SLC9A9: variants seen among roughly 807,000 people sequenced by gnomAD.
The protein encoded by SLC9A9 is sodium/hydrogen exchanger 9.
In SLC9A9, 62 loss-of-function variants were observed where a neutral mutation model predicts 77.8. That is an observed-to-expected ratio of 0.80 (90% CI 0.65 to 0.98). The LOEUF (loss-of-function observed/expected upper bound fraction) is 0.98. Among genes scored for constraint, SLC9A9 ranks in the 50% least tolerant of loss-of-function variants. SLC9A9 has a pLI of 0.00. For missense variants in SLC9A9, 775 were observed against 774.9 expected (o/e 1.00, Z 0.00); for synonymous variants, 320 against 283.5 (o/e 1.13, Z -1.29).
intron 2 of SLC9A9, among the ~76,000 whole-genome samples, chr3:143,802,782 A>T (rs2008601110): frequency 6.6e-6 from 1 of 152,150 alleles, no homozygotes; most frequent in African/African-American, 2.4e-5. Flanking sequence ...CCTCCAATTT[A>T]AAAAGGACTG....
At chr3:143,709,183 T>A (rs1934075533) in intron 4 of SLC9A9, among the ~76,000 whole-genome samples, 1 of 152,168 alleles carries the variant, frequency 6.6e-6, no homozygotes, top group Non-Finnish European at 1.5e-5. Flanking sequence ...AATTTAGTGA[T>A]CTCAAATTCG....
chr3:143,300,439 C>CT (rs2030473656), intron 14 of SLC9A9, among the ~76,000 whole-genome samples: 1 of 152,162 alleles, frequency 6.6e-6, no homozygotes, highest in Non-Finnish European at 1.5e-5. Flanking sequence ...AATGTATAAA[C>CT]TTTTTTAGGG....
rs144930120 is a variant in SLC9A9 at position 143,467,177 on chromosome 3, C to T, written c.1329G>A (p.Ala443=). 1.0e-4 allele frequency: 169 copies of T among 1,614,030 alleles called. 1 individual carries two copies. Among genetic ancestry groups the T allele is most frequent in the Non-Finnish European group, 8.1e-5 (95 of 1,180,022 alleles). Residue 443 remains alanine, a synonymous_variant, in exon 12 of 16, where the codon GCG becomes GCA. Transcript: ENST00000316549. ...HMMMFSGLRG[A]IAFALAIRNT... ...TCCGAATAGCTAAGGCAAATGCGAT[C>T]GCTCCTCGCAAACCTTGCAGGAAAA...
Position 143,429,036 on chromosome 3 carries a change from T to C in SLC9A9, c.1469+38001A>G, listed in dbSNP as rs529514279. Among the ~76,000 whole-genome samples the C allele has an allele frequency of 2.0e-5, 3 of 152,352 alleles. No homozygotes were observed. In the South Asian group the frequency reaches 6.2e-4, roughly 32 times the overall value. Reference sequence around the variant, plus strand: ...ATGTAAAGGTGAAGTGTACATTTCATGATAACTAGAAGATTTTCAGTGTCA... The same window carrying C: ...ATGTAAAGGTGAAGTGTACATTTCACGATAACTAGAAGATTTTCAGTGTCA... On this transcript the variant is annotated intron_variant, in intron 12 of 15. Coordinates refer to ENST00000316549, the MANE Select transcript of SLC9A9 (RefSeq NM_173653.4).
rs77313238 is a variant in SLC9A9 at position 143,721,526 on chromosome 3, G to A, written c.534-28219C>T. Among the ~76,000 whole-genome samples the A allele has an allele frequency of 8.3e-3, 1,263 of 152,050 alleles. 19 individuals are homozygous for A. Among genetic ancestry groups the A allele is most frequent in the African/African-American group, 0.029 (1,216 of 41,462 alleles). ...GTAGGTAGGCAGTCTCTGGAGACGT[G>A]GTCATCAAGAGTAAAGAGAAAGATC... On this transcript the variant is annotated intron_variant, in intron 4 of 15. Coordinates refer to ENST00000316549, the MANE Select transcript of SLC9A9 (RefSeq NM_173653.4).
At chr3:143,278,353 T>A (rs1432308891) in intron 14 of SLC9A9, among the ~76,000 whole-genome samples, 1 of 152,240 alleles carries the variant, frequency 6.6e-6, no homozygotes, top group Admixed American at 6.5e-5. Flanking sequence ...GCTTTATGCC[T>A]AGATTTTTCT....
At chr3:143,755,710 AC>A (rs1196676116) in intron 4 of SLC9A9, among the ~76,000 whole-genome samples, 3 of 152,180 alleles carry the variant, frequency 2.0e-5, no homozygotes, top group African/African-American at 7.2e-5. Flanking sequence ...TATAACTTAT[AC>A]CCTCTGACTT....
At chr3:143,522,699 C>T (rs2036321614) in intron 9 of SLC9A9, among the ~76,000 whole-genome samples, 1 of 152,102 alleles carries the variant, frequency 6.6e-6, no homozygotes, top group African/African-American at 2.4e-5. Context: ...GGAAAACAGC[C>T]AGACCTACTA....
intron 1 of SLC9A9, among the ~76,000 whole-genome samples, chr3:143,838,304 C>T (rs1184469616): frequency 6.6e-6 from 1 of 152,128 alleles, no homozygotes; most frequent in Admixed American, 6.5e-5. Flanking sequence ...ATACAGAAAT[C>T]AAGGAGCCCA....
chr3:143,616,593 G>T (rs186430197), intron 6 of SLC9A9, among the ~76,000 whole-genome samples: 1 of 152,134 alleles, frequency 6.6e-6, no homozygotes, highest in African/African-American at 2.4e-5. Flanking sequence ...TAGAAGGGAC[G>T]CTTAGGGATC....
chr3:143,636,657 AC>A (rs1244422460), intron 6 of SLC9A9, among the ~76,000 whole-genome samples: 1 of 152,078 alleles, frequency 6.6e-6, no homozygotes, highest in East Asian at 1.9e-4. Context: ...AATGTTTATT[AC>A]TCCACTCTTT....
At chr3:143,799,700 C>G (rs942998812) in intron 2 of SLC9A9, among the ~76,000 whole-genome samples, 8 of 152,250 alleles carry the variant, frequency 5.3e-5, no homozygotes, top group African/African-American at 1.9e-4. Flanking sequence ...CGCTGGAACT[C>G]TGGCCCAAGG....
At chr3:143,275,455 C>CT (rs1340860737) in intron 14 of SLC9A9, among the ~76,000 whole-genome samples, 1 of 152,108 alleles carries the variant, frequency 6.6e-6, no homozygotes, top group Non-Finnish European at 1.5e-5. Context: ...TATTTCCTTG[C>CT]TTTGCGTTTC....
chr3:143,285,378 T>A (rs193227704), intron 14 of SLC9A9, among the ~76,000 whole-genome samples: 7 of 152,248 alleles, frequency 4.6e-5, no homozygotes. Context: ...TCTCCTTTAA[T>A]CCTAGGAGAT....
At chr3:143,842,559 G>T (rs1379932184) in intron 1 of SLC9A9, among the ~76,000 whole-genome samples, 3 of 152,210 alleles carry the variant, frequency 2.0e-5, no homozygotes, top group African/African-American at 4.8e-5. Flanking sequence ...AAAGGGAGAA[G>T]AAGTTTAGTA....
At chr3:143,589,627 T>A (rs370544130) in intron 6 of SLC9A9, among the ~76,000 whole-genome samples, 16 of 152,354 alleles carry the variant, frequency 1.1e-4, no homozygotes, top group African/African-American at 3.4e-4. Flanking sequence ...CTCCATAATG[T>A]CTGCATGATG....
At chr3:143,664,162 T>A (rs1043429439) in intron 5 of SLC9A9, among the ~76,000 whole-genome samples, 1 of 151,918 alleles carries the variant, frequency 6.6e-6, no homozygotes, top group African/African-American at 2.4e-5. Flanking sequence ...CAGAATAGAG[T>A]GGGGGCCAAT....
At chr3:143,744,234 T>G (rs1444016387) in intron 4 of SLC9A9, among the ~76,000 whole-genome samples, 1 of 152,184 alleles carries the variant, frequency 6.6e-6, no homozygotes, top group Non-Finnish European at 1.5e-5. Context: ...GCCAGTTGCA[T>G]CTCTTGCTTC....
intron 6 of SLC9A9, among the ~76,000 whole-genome samples, chr3:143,592,450 A>AC (rs11385445): frequency 0.22 from 33,073 of 152,136 alleles, 3,604 homozygotes; most frequent in Middle Eastern, 0.32. Context: ...CTGGACCATG[A>AC]CTTTTGCACT....
Sources: allele counts gnomAD v4.1 joint callset (sites outside exome capture counted in the v4.1 genomes callset), GRCh38; gene constraint gnomAD v4.1.1; transcripts MANE v1.5; gene names NCBI Gene and HGNC (gene_info 2026-07-23, HGNC 2026-07-21).